The following ARGFX variants were observed in gnomAD, a reference collection of about 807,000 sequenced individuals.
ARGFX encodes arginine-fifty homeobox.
ARGFX carries 10 observed loss-of-function variants against 8.0 expected under a neutral mutation model. The ratio of observed to expected loss-of-function variants is 1.25; its 90% confidence interval spans 0.77 to 2.12. The LOEUF (loss-of-function observed/expected upper bound fraction) is 2.12, where lower values mean the gene tolerates loss of function less well. Ranked by LOEUF, ARGFX falls within the 30% of genes most tolerant of loss-of-function variation. The pLI is 0.00. For missense variants in ARGFX, 282 were observed against 324.3 expected, an observed-to-expected ratio of 0.87 and a Z score of 1.00; for synonymous variants, 116 against 117.8, an observed-to-expected ratio of 0.98 and a Z score of 0.10.
In ARGFX at chr3:121,589,584, C is replaced by T. The variant is rs2048833766; in HGVS notation, c.*2984C>T. Among the ~76,000 whole-genome samples, 1 of 152,086 alleles carries T rather than the reference C, an allele frequency of 6.6e-6. No individual in the cohort carries two copies. Among genetic ancestry groups the T allele is most frequent in the African/African-American group, 2.4e-5 (1 of 41,410 alleles). ...TAGGGACAGGTTTTGCCATGTTGCC[C>T]AGGCTGGCCTCAAACTCCTGAGCTC... is the stretch of plus-strand genomic sequence containing the variant. On this transcript the variant is annotated 3_prime_UTR_variant, in exon 5 of 5. Transcript: ENST00000334384.
chr3:121,582,896 G>C (rs1458059721), intron 3 of ARGFX, among the ~76,000 whole-genome samples: 3 of 151,950 alleles, frequency 2.0e-5, no homozygotes, highest in Non-Finnish European at 4.4e-5. Context: ...TGTAGAGACA[G>C]GGTCTCATTA....
chr3:121,571,647 T>C (rs2048708641), intron 2 of ARGFX, among the ~76,000 whole-genome samples: 2 of 150,480 alleles, frequency 1.3e-5, no homozygotes, highest in South Asian at 4.2e-4. Flanking sequence ...CATTGCAAAC[T>C]CCACCTCCCG....
intron 2 of ARGFX, among the ~76,000 whole-genome samples, chr3:121,572,183 A>T (rs2048712800): frequency 6.6e-6 from 1 of 150,638 alleles, no homozygotes; most frequent in Admixed American, 6.6e-5. Flanking sequence ...TCCTGGGATT[A>T]CAGGCATGAG....
At chr3:121,570,070 A>C (rs1295402564) in intron 1 of ARGFX, among the ~76,000 whole-genome samples, 2 of 152,236 alleles carry the variant, frequency 1.3e-5, no homozygotes, top group Non-Finnish European at 2.9e-5. Context: ...ATAGCTTTTA[A>C]ACATTTAAGA....
rs573860931 is a variant in ARGFX at position 121,582,577 on chromosome 3, C to T, written c.221-2340C>T. Reference sequence around the variant, plus strand: ...GTTTTATATAGGTTATTTTCATCTACGTTCGTAAGTGGCATTGCCTATAGT... The same window carrying T: ...GTTTTATATAGGTTATTTTCATCTATGTTCGTAAGTGGCATTGCCTATAGT... On this transcript the variant is annotated intron_variant, in intron 3 of 4. Transcript: ENST00000334384. 1.7e-4 allele frequency among the ~76,000 whole-genome samples: 26 copies of T among 152,208 alleles called. No homozygotes were observed. The East Asian group carries it at 3.1e-3, about 18-fold the overall frequency.
chr3:121,572,240 T>G (rs1233837218), intron 2 of ARGFX, among the ~76,000 whole-genome samples: 2,188 of 74,038 alleles, frequency 0.03, 28 homozygotes, highest in Non-Finnish European at 0.04. Context: ...ATTGTTGTTT[T>G]TTTTTTTTTT....
In ARGFX at chr3:121,586,490, C is replaced by A. The variant is rs2108839747; in HGVS notation, c.838C>A (p.Pro280Thr). 6.2e-7 allele frequency: 1 copy of A among 1,614,226 alleles called. No homozygotes were observed. Among genetic ancestry groups the A allele is most frequent in the East Asian group, 2.2e-5 (1 of 44,884 alleles). ...IFAGPAVGLS[P>T]AQTWPNMTSQ... is the part of the protein sequence containing the mutation. ...TGCTGGTCCAGCTGTAGGCCTATCT[C>A]CTGCACAAACCTGGCCCAATATGAC... Residue 280 changes from proline to threonine, a missense_variant, in exon 5 of 5, where the codon CCT (proline) becomes ACT (threonine). Pro to Thr is a conservative substitution (Grantham distance 38). Transcript: ENST00000334384.
chr3:121,582,507 T>C lies in ARGFX; in HGVS notation c.221-2410T>C, dbSNP rs1385474833. ...ATATATATGAACTGAAAAAATAAGATATTATAAGTTTAGAAATATGTACAT... is the reference window on the plus strand; with the variant it reads ...ATATATATGAACTGAAAAAATAAGACATTATAAGTTTAGAAATATGTACAT... On this transcript the variant is annotated intron_variant, in intron 3 of 4. Transcript: ENST00000334384. Among the ~76,000 whole-genome samples, 3 of 152,270 alleles carry C rather than the reference T, an allele frequency of 2.0e-5. No homozygotes were observed. In the East Asian group the frequency reaches 5.8e-4, roughly 29 times the overall value.
rs1180940954 is a variant in ARGFX, at chr3:121,590,139, C to A, written c.*3539C>A. On this transcript the variant is annotated 3_prime_UTR_variant, in exon 5 of 5. Coordinates refer to ENST00000334384, the MANE Select transcript of ARGFX (RefSeq NM_001012659.2). ...AATTATTAGAAAGAAATACTATGAA[C>A]AATTGAATGCCAACAAATTAGATAA... Among the ~76,000 whole-genome samples, 1 of 152,116 alleles carries A rather than the reference C, an allele frequency of 6.6e-6. No individual in the cohort carries two copies. The highest frequency in any genetic ancestry group is 2.4e-5 in the African/African-American group (1 of 41,418).
intron 3 of ARGFX, among the ~76,000 whole-genome samples, chr3:121,580,395 AAAAT>A (rs2048771063): frequency 6.6e-6 from 1 of 151,950 alleles, no homozygotes; most frequent in Non-Finnish European, 1.5e-5. Flanking sequence ...AAATAATAAT[AAAAT>A]AAATAAACAA....
intron 3 of ARGFX, among the ~76,000 whole-genome samples, chr3:121,577,199 A>ATG (rs1160659118): frequency 2.8e-5 from 3 of 106,342 alleles, no homozygotes; most frequent in Non-Finnish European, 3.8e-5. Context: ...GTATGTGTGT[A>ATG]TGTATATATA....
chr3:121,590,014 T>C lies in ARGFX; in HGVS notation c.*3414T>C, dbSNP rs1215669173. ...TGGTTCTTTGAAAAGATCTACAAAATGGCAAACATTTAGCTAGATTGACCA... is the reference window on the plus strand; with the variant it reads ...TGGTTCTTTGAAAAGATCTACAAAACGGCAAACATTTAGCTAGATTGACCA... On this transcript the variant is annotated 3_prime_UTR_variant, in exon 5 of 5. Transcript: ENST00000334384. 2.0e-5 allele frequency among the ~76,000 whole-genome samples: 3 copies of C among 152,052 alleles called. No individual in the cohort carries two copies. The highest frequency in any genetic ancestry group is 7.2e-5 in the African/African-American group (3 of 41,410).
chr3:121,588,707 A>G lies in ARGFX; in HGVS notation c.*2107A>G, dbSNP rs543999521. Among the ~76,000 whole-genome samples, 9 of 151,772 alleles carry G rather than the reference A, an allele frequency of 5.9e-5. No individual in the cohort carries two copies. The highest frequency in any genetic ancestry group is 2.2e-4 in the African/African-American group (9 of 41,386). Reference sequence around the variant, plus strand: ...GCCAAGGCGGGCAGATCACGAGGTCAAGAGATCAAGACCATCCTGGCCAAC... The same window carrying G: ...GCCAAGGCGGGCAGATCACGAGGTCGAGAGATCAAGACCATCCTGGCCAAC... On this transcript the variant is annotated 3_prime_UTR_variant, in exon 5 of 5. Coordinates refer to ENST00000334384, the MANE Select transcript of ARGFX (RefSeq NM_001012659.2).
At chr3:121,569,616 T>C (rs538013788) in intron 1 of ARGFX, among the ~76,000 whole-genome samples, 1 of 152,306 alleles carries the variant, frequency 6.6e-6, no homozygotes, top group African/African-American at 2.4e-5. Context: ...TTCACCCTCC[T>C]CGGCCTTTCA....
chr3:121,580,443 A>G (rs1174110551), intron 3 of ARGFX, among the ~76,000 whole-genome samples: 1 of 151,756 alleles, frequency 6.6e-6, no homozygotes, highest in Non-Finnish European at 1.5e-5. Flanking sequence ...AAACAAAAGT[A>G]CTCAACCATT....
At chr3:121,584,811 T>C in intron 3 of ARGFX, 106 bp from the exon 4 acceptor site, 1 of 1,307,938 alleles carries the variant, frequency 7.6e-7, no homozygotes, top group Non-Finnish European at 1.1e-6. Context: ...AGGAAAGGCA[T>C]GAGAGATTCA....
chr3:121,581,751 A>C (rs994789947), intron 3 of ARGFX, among the ~76,000 whole-genome samples: 11 of 152,128 alleles, frequency 7.2e-5, no homozygotes, highest in East Asian at 1.9e-4. Context: ...CACACACACA[A>C]AAATTAGCCA....
At chr3:121,577,805 G>T (rs1025013375) in intron 3 of ARGFX, among the ~76,000 whole-genome samples, 1 of 151,674 alleles carries the variant, frequency 6.6e-6, no homozygotes, top group Non-Finnish European at 1.5e-5. Flanking sequence ...TTGTGTGTGT[G>T]GCAAGGTCTC....
chr3:121,575,432 G>T (rs1214626138), intron 2 of ARGFX, among the ~76,000 whole-genome samples: 2 of 152,280 alleles, frequency 1.3e-5, no homozygotes, highest in East Asian at 1.9e-4. Context: ...ATTTAAAGTA[G>T]CCTATGTTGC....
Sources: gnomAD v4.1 joint callset for allele counts (sites outside exome capture counted in the v4.1 genomes callset) on GRCh38, gnomAD v4.1.1 for gene constraint, MANE v1.5 for transcripts, NCBI Gene and HGNC (gene_info 2026-07-23, HGNC 2026-07-21) for gene names.